The following ATF7IP variants were observed in gnomAD, a reference collection of about 807,000 sequenced individuals.
ATF7IP encodes activating transcription factor 7 interacting protein, also known as activating transcription factor 7-interacting protein 1.
A neutral mutation model predicts 106.4 loss-of-function variants in ATF7IP; 23 were observed. The observed-to-expected ratio is 0.22, with a 90% confidence interval of 0.16 to 0.31. The LOEUF is 0.31. ATF7IP is among the 10% of genes least tolerant of loss of function. The pLI, the probability that ATF7IP is intolerant of heterozygous loss-of-function variation, is 1.00. For synonymous variants in ATF7IP, 542 were observed against 539.0 expected (o/e 1.01, Z -0.08); for missense variants, 1,334 against 1,524.3 (o/e 0.88, Z 2.08).
intron 1 of ATF7IP, among the ~76,000 whole-genome samples, chr12:14,400,517 A>G (rs983703471): frequency 1.3e-5 from 2 of 152,128 alleles, no homozygotes; most frequent in African/African-American, 2.4e-5. Context: ...TATTTGCACT[A>G]TTAATTGCAA....
intron 13 of ATF7IP, among the ~76,000 whole-genome samples, chr12:14,491,196 C>A (rs1055623139): frequency 6.6e-6 from 1 of 152,180 alleles, no homozygotes; most frequent in African/African-American, 2.4e-5. Context: ...TTCTCCTGTT[C>A]TGGACCACAC....
chr12:14,376,013 A>G (rs1209010428), intron 1 of ATF7IP, among the ~76,000 whole-genome samples: 1 of 152,214 alleles, frequency 6.6e-6, no homozygotes, highest in African/African-American at 2.4e-5. Context: ...AAGGTTTGTG[A>G]TGGAGACCAG....
intron 1 of ATF7IP, among the ~76,000 whole-genome samples, chr12:14,376,925 C>CA (rs978734473): frequency 8.0e-5 from 12 of 150,874 alleles, no homozygotes; most frequent in Middle Eastern, 3.4e-3. Context: ...AACTCCATCT[C>CA]AAAAAAAAGA....
intron 8 of ATF7IP, among the ~76,000 whole-genome samples, chr12:14,458,423 T>C (rs1350635937): frequency 6.6e-6 from 1 of 152,232 alleles, no homozygotes; most frequent in Non-Finnish European, 1.5e-5. Context: ...TTACAGATAA[T>C]TGTGGATATT....
chr12:14,449,944 C>T (rs1025529104), intron 6 of ATF7IP, among the ~76,000 whole-genome samples: 10 of 151,672 alleles, frequency 6.6e-5, no homozygotes, highest in African/African-American at 1.9e-4. Flanking sequence ...TTATTCTTTT[C>T]GATGCTATTA....
At chr12:14,477,825 A>G (rs987148969) in intron 11 of ATF7IP, among the ~76,000 whole-genome samples, 4 of 152,196 alleles carry the variant, frequency 2.6e-5, no homozygotes, top group Non-Finnish European at 5.9e-5. Flanking sequence ...TTCATAGGCT[A>G]TTGAAGACCT....
At chr12:14,438,297 C>A in intron 5 of ATF7IP, 30 bp downstream of exon 5, 1 of 1,546,018 alleles carries the variant, frequency 6.5e-7, no homozygotes, top group Non-Finnish European at 8.8e-7. Context: ...TTGTATACTC[C>A]ATGTGTCATT....
chr12:14,450,884 G>A (rs1366194352), intron 6 of ATF7IP, among the ~76,000 whole-genome samples: 1 of 151,838 alleles, frequency 6.6e-6, no homozygotes, highest in Non-Finnish European at 1.5e-5. Context: ...CAAGTGATTT[G>A]TGTGCCTCAA....
chr12:14,472,299 TGTG>T, intron 10 of ATF7IP, among the ~76,000 whole-genome samples: 1 of 152,092 alleles, frequency 6.6e-6, no homozygotes. Context: ...ATGAAAAAAA[TGTG>T]GTTATGAAAA....
Position 14,385,801 on chromosome 12 carries a change from A to G in ATF7IP, c.-8+19974A>G, listed in dbSNP as rs555441120. Among the ~76,000 whole-genome samples, 572 of 152,080 alleles carry G rather than the reference A, an allele frequency of 3.8e-3. 2 individuals are homozygous for G. The highest frequency in any genetic ancestry group is 5.3e-3 in the Non-Finnish European group (359 of 67,982). The stretch of plus-strand genomic sequence containing the variant: ...AGCCTTGTTTTGCACAAAGACTACA[A>G]TTTTTCTACGGTTTTGTGAGGTATT... On this transcript the variant is annotated intron_variant, in intron 1 of 14. Coordinates refer to ENST00000261168, the MANE Select transcript of ATF7IP (RefSeq NM_018179.5).
At chr12:14,429,595 AT>A (rs1325538525) in intron 2 of ATF7IP, among the ~76,000 whole-genome samples, 1 of 152,204 alleles carries the variant, frequency 6.6e-6, no homozygotes, top group East Asian at 1.9e-4. Context: ...ACATAAACTG[AT>A]GCTAATGAGG....
In ATF7IP at chr12:14,431,420, C is replaced by T. The variant is rs56143961; in HGVS notation, c.1559-2917C>T. On this transcript the variant is annotated intron_variant, in intron 2 of 14. Coordinates refer to ENST00000261168, the MANE Select transcript of ATF7IP (RefSeq NM_018179.5). ...ATTCTTTTTTTTTTTTTTGAGATGG[C>T]GTCTCGCTCTGTCACCCAGGCTGGA... Among the ~76,000 whole-genome samples the T allele has an allele frequency of 8.6e-3, 1,289 of 149,366 alleles. 19 individuals are homozygous for T. The highest frequency in any genetic ancestry group is 0.03 in the African/African-American group (1,215 of 40,586).
intron 6 of ATF7IP, among the ~76,000 whole-genome samples, chr12:14,448,537 TTTATTA>T (rs1009039995): frequency 1.4e-4 from 21 of 152,316 alleles, no homozygotes; most frequent in Admixed American, 4.6e-4. Flanking sequence ...TGGTTTTATT[TTTATTA>T]TTGTTACATC....
At chr12:14,406,552 G>A (rs10845993) in intron 1 of ATF7IP, among the ~76,000 whole-genome samples, 63,529 of 150,816 alleles carry the variant, frequency 0.42, 13,541 homozygotes, top group Admixed American at 0.51. Flanking sequence ...ATATAATTGT[G>A]GTTAAATTTT....
At chr12:14,382,862 A>T (rs1939053399) in intron 1 of ATF7IP, among the ~76,000 whole-genome samples, 1 of 152,186 alleles carries the variant, frequency 6.6e-6, no homozygotes, top group Non-Finnish European at 1.5e-5. Flanking sequence ...GAGAGTAATG[A>T]TACCTGGTTT....
intron 2 of ATF7IP, among the ~76,000 whole-genome samples, chr12:14,431,395 A>T (rs1942121351): frequency 2.0e-5 from 3 of 148,018 alleles, no homozygotes; most frequent in South Asian, 2.1e-4. Flanking sequence ...TAAAAAAAAC[A>T]TTCTTTTTTT....
Position 14,501,802 on chromosome 12 carries a change from T to C in ATF7IP, c.*3729T>C, listed in dbSNP as rs888497944. The C allele has an allele frequency of 1.3e-5, 2 of 152,228 alleles. No homozygotes were observed. The highest frequency in any genetic ancestry group is 2.9e-5 in the Non-Finnish European group (2 of 68,024). The allele number at this position is 152,228 out of a possible 1,614,324, so 9.4% of individuals were successfully genotyped here. On this transcript the variant is annotated 3_prime_UTR_variant, in exon 15 of 15. Transcript: ENST00000261168. ...TCCTTAAGCAGGCTGTATCTTACAA[T>C]TCCCTTACTGCACTGGGTAAGTGTT...
At chr12:14,476,542 A>G (rs1260301777) in intron 11 of ATF7IP, 1 of 151,936 alleles carries the variant, frequency 6.6e-6, no homozygotes, top group African/African-American at 2.4e-5. Context: ...CTGTTATTTC[A>G]CTTGATCCTT....
chr12:14,484,954 GC>G (rs1944552511), intron 13 of ATF7IP, among the ~76,000 whole-genome samples: 1 of 152,052 alleles, frequency 6.6e-6, no homozygotes, highest in East Asian at 1.9e-4. Context: ...TTCCACCAAA[GC>G]CCAGTTAACA....
Sources: allele counts gnomAD v4.1 joint callset (sites outside exome capture counted in the v4.1 genomes callset), GRCh38; gene constraint gnomAD v4.1.1; transcripts MANE v1.5; gene names NCBI Gene and HGNC (gene_info 2026-07-23, HGNC 2026-07-21).